The following CRTAC1 variants were observed in gnomAD, a reference collection of about 807,000 sequenced individuals.
CRTAC1 encodes cartilage acidic protein 1, also known as acidic secreted protein in cartilage.
Under a neutral mutation model 67.8 loss-of-function variants are expected in CRTAC1, and 37 were observed. The ratio of observed to expected loss-of-function variants is 0.55; its 90% CI spans 0.42 to 0.72. The LOEUF (loss-of-function observed/expected upper bound fraction) is 0.72, where lower values mean the gene tolerates loss of function less well. Ranked by LOEUF, CRTAC1 falls within the 30% of genes least tolerant of loss-of-function variation. The probability of loss-of-function intolerance (pLI) is 0.00; values close to 1 mark genes in which losing one functional copy is unlikely to be tolerated. For missense variants in CRTAC1, 780 were observed against 931.6 expected (o/e 0.84, Z 2.12); for synonymous variants, 348 against 371.0 (o/e 0.94, Z 0.71).
At position 97,917,529 on chromosome 10, in the gene CRTAC1, G is replaced by A; in HGVS notation, c.686C>T (p.Ala229Val). ...SRGILALRDV[A>V]AEAGVSKYTG... is the part of the protein sequence containing the mutation. ...ATATTTGCTGACCCCAGCCTCAGCA[G>A]CCACATCTCTGAGCGCCAGAATGCC... is the stretch of plus-strand genomic sequence containing the variant. Residue 229 changes from alanine (A) to valine (V), a missense_variant, in exon 5 of 15, where the codon GCT (alanine) becomes GTT (valine). Coordinates refer to ENST00000370597, the MANE Select transcript of CRTAC1 (RefSeq NM_018058.7). The A allele has an allele frequency of 1.3e-6, 2 of 1,587,706 alleles. No individual in the cohort carries two copies. Among genetic ancestry groups the A allele is most frequent in the Non-Finnish European group, 1.7e-6 (2 of 1,163,482 alleles).
chr10:97,928,323 G>A (rs4917793), intron 3 of CRTAC1, among the ~76,000 whole-genome samples: 102,705 of 152,136 alleles, frequency 0.68, 35,743 homozygotes, highest in East Asian at 0.83. Flanking sequence ...ACCAGATGCC[G>A]TTGGAGGCTG....
intron 6 of CRTAC1, 146 bp from the exon 7 acceptor site, chr10:97,904,960 C>A: frequency 1.1e-6 from 1 of 898,686 alleles, no homozygotes; most frequent in Non-Finnish European, 1.6e-6. Context: ...TAGCTGCAGT[C>A]TCAGAAGCTC....
intron 2 of CRTAC1, among the ~76,000 whole-genome samples, chr10:97,958,023 G>T (rs938830058): frequency 6.6e-6 from 1 of 152,208 alleles, no homozygotes; most frequent in East Asian, 1.9e-4. Context: ...CTCTGCCAGG[G>T]TCTTGTAAGC....
chr10:97,964,331 A>G (rs139564824), intron 2 of CRTAC1, among the ~76,000 whole-genome samples: 2 of 152,324 alleles, frequency 1.3e-5, no homozygotes, highest in Non-Finnish European at 2.9e-5. Flanking sequence ...GTTATTCTGC[A>G]CAGTAATGTT....
chr10:97,952,538 C>CAAAAAAA (rs397844653), intron 2 of CRTAC1, among the ~76,000 whole-genome samples: 43 of 64,210 alleles, frequency 6.7e-4, no homozygotes, highest in African/African-American at 2.0e-3. Context: ...AATTCCATCT[C>CAAAAAAA]AAAAAAAAAA....
chr10:97,887,471 G>A (rs1410660456), intron 11 of CRTAC1, among the ~76,000 whole-genome samples: 1 of 152,144 alleles, frequency 6.6e-6, no homozygotes, highest in Non-Finnish European at 1.5e-5. Flanking sequence ...TCGAACTCCT[G>A]ACCTCAGGTG....
chr10:97,926,968 G>A (rs1394980843), intron 3 of CRTAC1, among the ~76,000 whole-genome samples: 1 of 152,176 alleles, frequency 6.6e-6, no homozygotes, highest in Non-Finnish European at 1.5e-5. Context: ...TTTAGATGCT[G>A]TACTTCCAGC....
rs200679751 is a variant in CRTAC1, at chr10:97,895,263, C to A, written c.1468G>T (p.Val490Leu). ...GACTCACCCAGGCCAAAGTGTGCCA[C>A]GGGCTCCATCTCACACAGGTAGCCT... ...GSGYLCEMEP[V>L]AHFGLGKDEA... is the part of the protein sequence containing the mutation. Residue 490 changes from valine to leucine, a missense_variant, in exon 11 of 15, where the codon GTG (valine) becomes TTG (leucine). Val to Leu is a conservative substitution (Grantham distance 32). Coordinates refer to ENST00000370597, the MANE Select transcript of CRTAC1 (RefSeq NM_018058.7). This position sits in a 1 kb window ranked among gnomAD's most constrained non-coding sequence, Gnocchi z 4.2. 6.2e-7 allele frequency: 1 copy of A among 1,612,084 alleles called. No individual in the cohort carries two copies.
chr10:98,011,215 A>G lies in CRTAC1; in HGVS notation c.147T>C (p.Ser49=), dbSNP rs1319618739. 2.5e-6 allele frequency: 4 copies of G among 1,614,094 alleles called. No homozygotes were observed. In the African/African-American group the frequency reaches 5.3e-5, roughly 22 times the overall value. The part of the protein sequence containing the change: ...TNSVLPPDYD[S]NPTQLNYGVA... Reference sequence around the variant, plus strand: ...CACCATAGTTGAGCTGGGTGGGATTACTGTCATAGTCAGGAGGCAGAACTG... The same window carrying G: ...CACCATAGTTGAGCTGGGTGGGATTGCTGTCATAGTCAGGAGGCAGAACTG... The change falls in exon 2 of 15, where the codon AGT becomes AGC. Residue 49 remains serine (S), a synonymous_variant. Transcript: ENST00000370597.
chr10:97,882,891 C>T, intron 12 of CRTAC1, 63 bp from the exon 13 acceptor site: 2 of 1,534,300 alleles, frequency 1.3e-6, no homozygotes, highest in Non-Finnish European at 1.8e-6. Flanking sequence ...AGGTTCCCTC[C>T]TAGTCACAGC....
chr10:97,909,590 T>G (rs2050660754), intron 5 of CRTAC1, among the ~76,000 whole-genome samples: 1 of 152,138 alleles, frequency 6.6e-6, no homozygotes, highest in Non-Finnish European at 1.5e-5. Context: ...AGGGTACCCT[T>G]GTATACTGTT....
chr10:97,958,348 A>C (rs2051473369), intron 2 of CRTAC1, among the ~76,000 whole-genome samples: 2 of 152,238 alleles, frequency 1.3e-5, no homozygotes, highest in Non-Finnish European at 2.9e-5. Flanking sequence ...CAGTGCATTT[A>C]ATGGAGAAGC....
At chr10:98,000,021 C>G (rs548237396) in intron 2 of CRTAC1, among the ~76,000 whole-genome samples, 1 of 152,180 alleles carries the variant, frequency 6.6e-6, no homozygotes, top group African/African-American at 2.4e-5. Context: ...GAACACTCGA[C>G]AGGACACCCT....
At chr10:97,924,262 T>C (rs990403772) in intron 3 of CRTAC1, among the ~76,000 whole-genome samples, 1 of 152,228 alleles carries the variant, frequency 6.6e-6, no homozygotes, top group Admixed American at 6.5e-5. Flanking sequence ...TCCTCCGCCA[T>C]CATCCTTAGT....
chr10:98,020,587 G>A (rs1184522839), intron 1 of CRTAC1, among the ~76,000 whole-genome samples: 1 of 152,214 alleles, frequency 6.6e-6, no homozygotes, highest in Non-Finnish European at 1.5e-5. Flanking sequence ...ACCATGAGAT[G>A]GGAGCACAGT....
At chr10:97,900,184 A>G (rs1477414555) in intron 8 of CRTAC1, among the ~76,000 whole-genome samples, 1 of 152,138 alleles carries the variant, frequency 6.6e-6, no homozygotes, top group Non-Finnish European at 1.5e-5. Flanking sequence ...CTTCCTCCCT[A>G]GACACACTGC....
chr10:97,880,020 C>A (rs1441079249), intron 14 of CRTAC1, among the ~76,000 whole-genome samples: 1 of 152,166 alleles, frequency 6.6e-6, no homozygotes, highest in African/African-American at 2.4e-5. Flanking sequence ...AGAATGATAG[C>A]CTCAGGCCAG....
chr10:97,961,073 T>C (rs930938483), intron 2 of CRTAC1, among the ~76,000 whole-genome samples: 2 of 152,210 alleles, frequency 1.3e-5, no homozygotes, highest in East Asian at 1.9e-4. Context: ...ACTGGTCTTG[T>C]AATTTTTTTT....
At position 97,896,913 on chromosome 10, in the gene CRTAC1, G is replaced by A. The variant is rs1564883479; in HGVS notation, c.1212C>T (p.Gly404=). The change falls in exon 9 of 15, where the codon GGC becomes GGT. Residue 404 remains glycine (G), a synonymous_variant. Coordinates refer to ENST00000370597, the MANE Select transcript of CRTAC1 (RefSeq NM_018058.7). ...GATCCCCCAGGTGCCCCTCACCTGT[G>A]CCCCGGCCCTCAGGCTCCAAGGCGT... The part of the protein sequence containing the change: ...PGDALEPEGR[G]TGGVVTDFDG... 2 of 1,548,486 alleles carry A rather than the reference G, an allele frequency of 1.3e-6. No homozygotes were observed. The highest frequency in any genetic ancestry group is 1.2e-5 in the South Asian group (1 of 84,158).
Sources: allele counts gnomAD v4.1 joint callset (sites outside exome capture counted in the v4.1 genomes callset), GRCh38; gene constraint gnomAD v4.1.1; non-coding constraint Gnocchi (gnomAD v3.1); transcripts MANE v1.5; gene names NCBI Gene and HGNC (gene_info 2026-07-23, HGNC 2026-07-21).